Variants in FTCDNL1 observed in about 807,000 individuals in gnomAD.
FTCDNL1 encodes the protein formiminotransferase N-terminal subdomain-containing protein.
A neutral mutation model predicts 5.9 loss-of-function variants in FTCDNL1; 11 were observed. That is an observed-to-expected ratio of 1.87 (90% confidence interval 1.18 to 3.10). The LOEUF is 3.10. Ranked by LOEUF, FTCDNL1 falls within the 30% of genes most tolerant of loss-of-function variation. FTCDNL1 has a pLI of 0.00. For synonymous variants in FTCDNL1, 58 were observed against 24.8 expected (o/e 2.34, Z -3.99); for missense variants, 115 against 65.5 (o/e 1.76, Z -2.61).
intron 2 of FTCDNL1, among the ~76,000 whole-genome samples, chr2:199,848,335 G>A (rs1268715227): frequency 6.6e-6 from 1 of 152,218 alleles, no homozygotes; most frequent in Non-Finnish European, 1.5e-5. Context: ...TTGCCTAACA[G>A]TGTCTATACA....
chr2:199,785,352 A>T (rs1341387650), intron 3 of FTCDNL1, among the ~76,000 whole-genome samples: 1 of 137,578 alleles, frequency 7.3e-6, no homozygotes, highest in African/African-American at 2.7e-5. Flanking sequence ...GGTTCACGCC[A>T]TTCTCCTGCC....
intron 3 of FTCDNL1, among the ~76,000 whole-genome samples, chr2:199,764,485 T>A (rs1698417353): frequency 6.6e-6 from 1 of 152,200 alleles, no homozygotes; most frequent in Admixed American, 6.5e-5. Flanking sequence ...TGTGCTAATA[T>A]TCGTGATTCA....
chr2:199,784,343 G>A (rs2106336886), intron 3 of FTCDNL1, among the ~76,000 whole-genome samples: 1 of 152,264 alleles, frequency 6.6e-6, no homozygotes, highest in East Asian at 1.9e-4. Flanking sequence ...TCAGCACCAG[G>A]TAAAGATTAG....
Position 199,850,850 on chromosome 2 carries a change from T to G in FTCDNL1, c.-118A>C, listed in dbSNP as rs537785089. 3.3e-5 allele frequency: 5 copies of G among 152,278 alleles called. No individual in the cohort carries two copies. The highest frequency in any genetic ancestry group is 2.6e-4 in the Admixed American group (4 of 15,304). 9.4% of individuals were successfully genotyped at this position (152,278 alleles called of 1,614,324 possible). A position where few individuals can be genotyped will look rare whatever the true frequency, so the allele number is the denominator to read the frequency against. On this transcript the variant is annotated 5_prime_UTR_variant, in exon 1 of 5. Coordinates refer to ENST00000420128, the MANE Select transcript of FTCDNL1 (RefSeq NM_001363886.2). ...CCCGCTGCTGGGATTCCCTGCGCGG[T>G]GCCGACTAGGTTCCTGGGTGGAGTG...
downstream of FTCDNL1, among the ~76,000 whole-genome samples, chr2:199,760,262 T>C (rs908317367): frequency 2.0e-5 from 3 of 150,336 alleles, no homozygotes; most frequent in African/African-American, 7.3e-5. Context: ...CAAAGCTAAT[T>C]ACAAAGTTCA....
the FTCDNL1 span, among the ~76,000 whole-genome samples, chr2:199,708,275 A>G: frequency 0.024 from 3,604 of 152,068 alleles, 137 homozygotes; most frequent in African/African-American, 0.082. Flanking sequence ...GTTCCACATG[A>G]TTACTTTTAT....
At chr2:199,784,987 A>T (rs1290288946) in intron 3 of FTCDNL1, among the ~76,000 whole-genome samples, 1 of 152,204 alleles carries the variant, frequency 6.6e-6, no homozygotes, top group African/African-American at 2.4e-5. Context: ...TCATTTGAAC[A>T]AAAATAGTAA....
At chr2:199,789,001 C>A (rs1699792716) in intron 3 of FTCDNL1, among the ~76,000 whole-genome samples, 1 of 148,968 alleles carries the variant, frequency 6.7e-6, no homozygotes. Flanking sequence ...TGGAAATTAC[C>A]ATAGAAGAAA....
At chr2:199,801,213 T>C (rs1254429328) in intron 3 of FTCDNL1, among the ~76,000 whole-genome samples, 1 of 152,172 alleles carries the variant, frequency 6.6e-6, no homozygotes, top group Non-Finnish European at 1.5e-5. Flanking sequence ...GAAGAGCTGG[T>C]AATGACTTCA....
At chr2:199,821,360 C>T (rs1252076743) in intron 3 of FTCDNL1, among the ~76,000 whole-genome samples, 1 of 150,610 alleles carries the variant, frequency 6.6e-6, no homozygotes. Flanking sequence ...CAGGGTTTCA[C>T]CATGCTGGCC....
the FTCDNL1 span, among the ~76,000 whole-genome samples, chr2:199,733,961 T>C: frequency 1.3e-5 from 2 of 151,998 alleles, no homozygotes; most frequent in Non-Finnish European, 2.9e-5. Flanking sequence ...AAAAAAACTG[T>C]CTTCCACCAA....
intron 4 of FTCDNL1, chr2:199,818,397 C>T (rs1159539091): frequency 6.6e-6 from 1 of 152,128 alleles, no homozygotes; most frequent in Non-Finnish European, 1.5e-5. Context: ...ATCTCATCTT[C>T]ATAGGGAAGA....
chr2:199,804,492 T>C (rs1467468916), downstream of FTCDNL1, among the ~76,000 whole-genome samples: 1 of 152,200 alleles, frequency 6.6e-6, no homozygotes, highest in Non-Finnish European at 1.5e-5. Context: ...GCAAAAGACA[T>C]CCTTTGGAAA....
chr2:199,683,161 A>T, the FTCDNL1 span, among the ~76,000 whole-genome samples: 1 of 152,180 alleles, frequency 6.6e-6, no homozygotes, highest in Non-Finnish European at 1.5e-5. Context: ...ATCTTTTACA[A>T]GAAGAATGAT....
chr2:199,728,158 T>G, the FTCDNL1 span, among the ~76,000 whole-genome samples: 13 of 152,216 alleles, frequency 8.5e-5, no homozygotes, highest in Non-Finnish European at 1.9e-4. Flanking sequence ...TCCCCCATGC[T>G]CTACTATAAA....
At chr2:199,700,645 T>C in the FTCDNL1 span, among the ~76,000 whole-genome samples, 1 of 152,178 alleles carries the variant, frequency 6.6e-6, no homozygotes, top group Non-Finnish European at 1.5e-5. Context: ...CTTCAACCTA[T>C]ACACTACAAG....
chr2:199,732,736 AG>A, the FTCDNL1 span, among the ~76,000 whole-genome samples: 1 of 152,226 alleles, frequency 6.6e-6, no homozygotes, highest in Non-Finnish European at 1.5e-5. Flanking sequence ...ATATTAAAAA[AG>A]GAAAAGGTCT....
At chr2:199,741,546 G>A in the FTCDNL1 span, among the ~76,000 whole-genome samples, 3 of 151,904 alleles carry the variant, frequency 2.0e-5, no homozygotes, top group African/African-American at 4.8e-5. Context: ...TTATACTTAC[G>A]GAACAAATAA....
At chr2:199,800,964 C>A (rs1019086144) in intron 3 of FTCDNL1, among the ~76,000 whole-genome samples, 1 of 152,202 alleles carries the variant, frequency 6.6e-6, no homozygotes, top group African/African-American at 2.4e-5. Context: ...TTATTAAAAA[C>A]CACATCCTTT....
Sources: gnomAD v4.1 joint callset for allele counts (sites outside exome capture counted in the v4.1 genomes callset) on GRCh38, gnomAD v4.1.1 for gene constraint, MANE v1.5 for transcripts, NCBI Gene and HGNC (gene_info 2026-07-23, HGNC 2026-07-21) for gene names.